PLXNB3: variants seen among roughly 807,000 people sequenced by gnomAD.
PLXNB3 encodes plexin-B3.
In PLXNB3, 80 loss-of-function variants were observed where a neutral mutation model predicts 125.7. That is an observed-to-expected ratio of 0.64 (90% CI 0.53 to 0.77). The LOEUF is 0.77. Among genes scored for constraint, PLXNB3 ranks in the 30% least tolerant of loss-of-function variants. The pLI is 0.00. For missense variants in PLXNB3, 1,836 were observed against 1,729.3 expected (o/e 1.06, Z -1.09); for synonymous variants, 954 against 783.3 (o/e 1.22, Z -3.64).
At chrX:153,766,165 C>A (rs782819531) in intron 2 of PLXNB3, 2 of 1,121,216 alleles carry the variant, frequency 1.8e-6, no homozygotes, top group Non-Finnish European at 2.4e-6. Context: ...CCAGCACCCC[C>A]GCTGCCTTGC....
chrX:153,769,879 C>A lies in PLXNB3; in HGVS notation c.1569C>A (p.Ser523Arg). 1 of 1,207,999 alleles carries A rather than the reference C, an allele frequency of 8.3e-7. No individual in the cohort carries two copies. Among genetic ancestry groups the A allele is most frequent in the Non-Finnish European group, 1.1e-6 (1 of 894,207 alleles). The part of the protein sequence containing the change: ...NQWLWSYEED[S>R]HCLHIQSLLP... ...GGCTGTGGAGTTATGAGGAGGACAG[C>A]CACTGCCTGCACATCCAGAGCCTGC... is the stretch of plus-strand genomic sequence containing the variant. Residue 523 changes from serine to arginine, a missense_variant, in exon 7 of 36, where the codon AGC becomes AGA. Transcript: ENST00000361971.
intron 2 of PLXNB3, 89 bp downstream of exon 2, chrX:153,765,669 G>A (rs782487552): frequency 1.3e-4 from 150 of 1,161,246 alleles, no homozygotes; most frequent in Non-Finnish European, 1.7e-4. Context: ...GGACATACAG[G>A]CTGCAGCCTC....
chrX:153,766,110 C>T lies in PLXNB3; in HGVS notation c.45+530C>T, dbSNP rs1000553617. ...CCCATGGGGCAGGAGCAGGCCTCCC[C>T]GCACCCCTGAAGCCTGTGTTGTCTC... On this transcript the variant is annotated intron_variant, in intron 2 of 35. Transcript: ENST00000361971. 16 of 1,076,412 alleles carry T rather than the reference C, an allele frequency of 1.5e-5. No individual in the cohort carries two copies. In the South Asian group the frequency reaches 2.2e-4, roughly 15 times the overall value. The allele number at this position is 1,076,412 out of a possible 1,213,427, so 88.7% of individuals were successfully genotyped here.
At chrX:153,777,439 G>A (rs1383479742) in intron 30 of PLXNB3, 59 bp downstream of exon 30, 2 of 1,183,237 alleles carry the variant, frequency 1.7e-6, no homozygotes, top group Non-Finnish European at 1.1e-6. Context: ...CCCCGACCGA[G>A]CCAGGGTGTG....
At position 153,774,067 on chromosome X, in the gene PLXNB3, G is replaced by A. The variant is rs781979640; in HGVS notation, c.3488G>A (p.Arg1163His). 27 of 1,189,223 alleles carry A rather than the reference G, an allele frequency of 2.3e-5. No homozygotes were observed. Among genetic ancestry groups the A allele is most frequent in the South Asian group, 3.7e-5 (2 of 54,348 alleles). The change falls in exon 20 of 36, where the codon CGC becomes CAC. Residue 1163 changes from arginine (R) to histidine (H), a missense_variant. Transcript: ENST00000361971. ...CGCGAGGGGCCTGCCCGCCCCTACC[G>A]CCTCAAGCCAGGCCATGTCCTGGAT... ...LSREGPARPY[R>H]LKPGHVLDVE...
chrX:153,766,822 G>C (rs781962796), intron 2 of PLXNB3, 51 bp from the exon 3 acceptor site: 20 of 1,124,119 alleles, frequency 1.8e-5, no homozygotes, highest in Non-Finnish European at 2.1e-5. Flanking sequence ...CCTTCCTCTG[G>C]TCCTCTATCT....
chrX:153,766,346 G>GGTCCCTT (rs1477996812), intron 2 of PLXNB3: 3 of 1,134,827 alleles, frequency 2.6e-6, no homozygotes, highest in Non-Finnish European at 3.5e-6. Flanking sequence ...CTCCCTGTCT[G>GGTCCCTT]GTCCCTTGGG....
rs367877344 is a variant in PLXNB3 at position 153,778,446 on chromosome X, A to C, written c.5525A>C (p.Asn1842Thr). ...QSSPASYQEM[N>T]SALAELSGNY... is the part of the protein sequence containing the mutation. ...TCTCCGGCGAGCTACCAGGAGATGA[A>C]CTCTGCTTTGGCTGAGCTCTCCGGG... Residue 1842 changes from asparagine to threonine, a missense_variant, in exon 34 of 36, where the codon AAC becomes ACC. Coordinates refer to ENST00000361971, the MANE Select transcript of PLXNB3 (RefSeq NM_005393.3). The C allele has an allele frequency of 8.3e-7, 1 of 1,208,668 alleles. No individual in the cohort carries two copies. The highest frequency in any genetic ancestry group is 1.8e-5 in the African/African-American group (1 of 56,968).
intron 3 of PLXNB3, 54 bp downstream of exon 3, chrX:153,767,967 G>A: frequency 9.5e-7 from 1 of 1,056,093 alleles, no homozygotes; most frequent in African/African-American, 1.9e-5. Flanking sequence ...GCATCTTTCA[G>A]CACTGGACAG....
At chrX:153,771,791 G>A (rs2091933151) in intron 14 of PLXNB3, 73 bp from the exon 15 acceptor site, 1 of 1,157,618 alleles carries the variant, frequency 8.6e-7, no homozygotes, top group Non-Finnish European at 1.2e-6. Flanking sequence ...CTGGTTGGCT[G>A]GCCGGGCACC....
chrX:153,777,332 G>T lies in PLXNB3; in HGVS notation c.5052G>T (p.Arg1684Ser). 5 of 1,205,498 alleles carry T rather than the reference G, an allele frequency of 4.1e-6. No homozygotes were observed. The highest frequency in any genetic ancestry group is 2.2e-6 in the Non-Finnish European group (2 of 891,029). The change falls in exon 30 of 36, where the codon AGG (arginine) becomes AGT (serine). Residue 1684 changes from arginine to serine, a missense_variant. By Grantham distance (110) the Arg-to-Ser change is moderately radical (BLOSUM62 -1). Coordinates refer to ENST00000361971, the MANE Select transcript of PLXNB3 (RefSeq NM_005393.3). Reference protein sequence around the residue: ...CSSLREREPARAKAIPEIYLT... With the variant: ...CSSLREREPASAKAIPEIYLT... ...GCCTGCGGGAGCGCGAGCCAGCAAG[G>T]GCCAAGGCCATTCCGGAAATCTACC...
intron 15 of PLXNB3, 39 bp from the exon 16 acceptor site, chrX:153,772,143 C>T (rs1557062214): frequency 1.1e-6 from 1 of 879,015 alleles, no homozygotes. Context: ...TCCCCTCCGT[C>T]CCTGAGCCCT....
intron 12 of PLXNB3, 69 bp downstream of exon 12, chrX:153,771,150 G>A: frequency 2.0e-6 from 2 of 1,012,952 alleles, no homozygotes; most frequent in Non-Finnish European, 2.8e-6. Flanking sequence ...TGCCATCTTT[G>A]TGGAGAGCCT....
Position 153,771,845 on chromosome X carries a change from C to T in PLXNB3, c.2518-19C>T, listed in dbSNP as rs1156765247. ...CGTGGGTGCGGGGGACCCCATCTGC[C>T]ATCATTTGCCTGCTGCAGGTCGAGC... On this transcript the variant is annotated intron_variant, in intron 14 of 35. Transcript: ENST00000361971. 3 of 1,202,953 alleles carry T rather than the reference C, an allele frequency of 2.5e-6. No individual in the cohort carries two copies. The African/African-American group carries it at 5.2e-5, about 21-fold the overall frequency.
chrX:153,771,486 T>C lies in PLXNB3; in HGVS notation c.2348T>C (p.Val783Ala). The C allele has an allele frequency of 1.7e-6, 2 of 1,207,102 alleles. No individual in the cohort carries two copies. Among genetic ancestry groups the C allele is most frequent in the Non-Finnish European group, 2.2e-6 (2 of 892,977 alleles). The change falls in exon 14 of 36, where the codon GTG becomes GCG. Residue 783 changes from valine to alanine, a missense_variant and splice_region_variant. Coordinates refer to ENST00000361971, the MANE Select transcript of PLXNB3 (RefSeq NM_005393.3). ...QRLDNTHALY[V>A]ILYDCAMGHP... ...CAGCACACTGCCTGACCCTCCCTAG[T>C]GATCCTGTACGACTGCGCCATGGGC...
In PLXNB3 at chrX:153,767,076, C is replaced by G. The variant is rs143277711; in HGVS notation, c.249C>G (p.Leu83=). 1 of 1,210,522 alleles carries G rather than the reference C, an allele frequency of 8.3e-7. No individual in the cohort carries two copies. The highest frequency in any genetic ancestry group is 1.1e-6 in the Non-Finnish European group (1 of 895,253). ...RLFQLSPELQ[L]EAVAVTGPVI... is the part of the protein sequence containing the mutation. ...TCCAGCTCAGCCCCGAGCTGCAGCTCGAGGCCGTGGCTGTCACTGGCCCTG... is the reference window on the plus strand; with the variant it reads ...TCCAGCTCAGCCCCGAGCTGCAGCTGGAGGCCGTGGCTGTCACTGGCCCTG... Residue 83 remains leucine (L), a synonymous_variant, in exon 3 of 36, where the codon CTC becomes CTG. Transcript: ENST00000361971.
chrX:153,767,082 C>T lies in PLXNB3; in HGVS notation c.255C>T (p.Ala85=), dbSNP rs781977623. 43 of 1,209,071 alleles carry T rather than the reference C, an allele frequency of 3.6e-5. No individual in the cohort carries two copies. Among genetic ancestry groups the T allele is most frequent in the Non-Finnish European group, 4.6e-5 (41 of 894,843 alleles). Residue 85 remains alanine, a synonymous_variant, in exon 3 of 36, where the codon GCC becomes GCT. Coordinates refer to ENST00000361971, the MANE Select transcript of PLXNB3 (RefSeq NM_005393.3). Reference sequence around the variant, plus strand: ...TCAGCCCCGAGCTGCAGCTCGAGGCCGTGGCTGTCACTGGCCCTGTAATCG... The same window carrying T: ...TCAGCCCCGAGCTGCAGCTCGAGGCTGTGGCTGTCACTGGCCCTGTAATCG... The part of the protein sequence containing the change: ...FQLSPELQLE[A]VAVTGPVIDS...
intron 12 of PLXNB3, 77 bp from the exon 13 acceptor site, chrX:153,771,232 TG>T (rs1183154938): frequency 2.6e-5 from 25 of 963,107 alleles, no homozygotes; most frequent in Non-Finnish European, 3.7e-5. Context: ...ACATTCATTC[TG>T]GGGGGTGGCC....
chrX:153,766,510 A>G (rs1467346846), intron 2 of PLXNB3: 1 of 903,223 alleles, frequency 1.1e-6, no homozygotes. Context: ...CCCCTCTGTG[A>G]CTCACAGTCC....
Sources: gnomAD v4.1 joint callset for allele counts on GRCh38, gnomAD v4.1.1 for gene constraint, MANE v1.5 for transcripts, NCBI Gene and HGNC (gene_info 2026-07-23, HGNC 2026-07-21) for gene names.